Variants in FAAH2 observed in about 807,000 individuals in gnomAD.
FAAH2 encodes fatty-acid amide hydrolase 2.
Under a neutral mutation model 36.9 loss-of-function variants are expected in FAAH2, and 60 were observed. The ratio of observed to expected loss-of-function variants is 1.63; its 90% CI spans 1.32 to 2.02. The LOEUF is 2.02. Ranked by LOEUF, FAAH2 falls within the 30% of genes most tolerant of loss-of-function variation. FAAH2 has a pLI of 0.00. For synonymous variants in FAAH2, 214 were observed against 143.8 expected (o/e 1.49, Z -3.49); for missense variants, 689 against 397.5 (o/e 1.73, Z -6.23).
intron 7 of FAAH2, chrX:57,395,126 C>T (rs1602521395): frequency 2.0e-5 from 11 of 537,097 alleles, no homozygotes; most frequent in South Asian, 1.8e-4. Flanking sequence ...ACTACGAACC[C>T]GTGTACAGTA....
the FAAH2 span, among the ~76,000 whole-genome samples, chrX:57,217,087 G>A: frequency 9.0e-6 from 1 of 110,862 alleles, no homozygotes; most frequent in East Asian, 2.9e-4. Flanking sequence ...TTTAAGAATT[G>A]TCTATTCATG....
Position 57,448,588 on chromosome X carries a change from G to A in FAAH2, c.1293G>A (p.Val431=). The change falls in exon 10 of 11, where the codon GTG becomes GTA. Residue 431 remains valine, a synonymous_variant. Coordinates refer to ENST00000374900, the MANE Select transcript of FAAH2 (RefSeq NM_174912.4). ...SNEKYQKFKA[V]EESLRKELVD... is the part of the protein sequence containing the mutation. The stretch of plus-strand genomic sequence containing the variant: ...AGAAATACCAAAAGTTTAAGGCAGT[G>A]GAAGAAAGCCTGCGTAAAGAGCTGG... The A allele has an allele frequency of 2.5e-6, 3 of 1,211,468 alleles. No individual in the cohort carries two copies. Among genetic ancestry groups the A allele is most frequent in the Non-Finnish European group, 3.4e-6 (3 of 895,377 alleles).
Position 57,301,685 on chromosome X carries a change from A to G in FAAH2, c.276-8908A>G, listed in dbSNP as rs1226665092. ...ATAAAATCTAATAAAAAAATGTGGC[A>G]TATAGAATACTTGTTTCAGGGCTGA... On this transcript the variant is annotated intron_variant, in intron 2 of 10. Coordinates refer to ENST00000374900, the MANE Select transcript of FAAH2 (RefSeq NM_174912.4). 2.7e-5 allele frequency among the ~76,000 whole-genome samples: 3 copies of G among 110,623 alleles called. No individual in the cohort carries two copies. The Admixed American group carries it at 2.9e-4, about 11-fold the overall frequency.
At chrX:57,395,946 A>G (rs925133349) in intron 7 of FAAH2, among the ~76,000 whole-genome samples, 1 of 111,846 alleles carries the variant, frequency 8.9e-6, no homozygotes, top group Non-Finnish European at 1.9e-5. Flanking sequence ...ATGTCTGGTA[A>G]AATCCAGCTG....
At chrX:57,140,417 CAAAAAAAAA>C in the FAAH2 span, among the ~76,000 whole-genome samples, 89 of 64,796 alleles carry the variant, frequency 1.4e-3, no homozygotes, top group Middle Eastern at 8.3e-3. Flanking sequence ...CCATCTCTAC[CAAAAAAAAA>C]AAAAAAAAAA....
the FAAH2 span, among the ~76,000 whole-genome samples, chrX:57,193,846 C>A: frequency 8.9e-6 from 1 of 111,752 alleles, no homozygotes; most frequent in Non-Finnish European, 1.9e-5. Flanking sequence ...TATGCTGAAC[C>A]GTTCTTGCAT....
chrX:57,461,439 T>A (rs889931580), intron 10 of FAAH2, among the ~76,000 whole-genome samples: 7 of 111,616 alleles, frequency 6.3e-5, no homozygotes, highest in African/African-American at 2.3e-4. Context: ...AGATTGGAAA[T>A]CATAACAAAG....
At chrX:57,302,615 G>A (rs2052406466) in intron 2 of FAAH2, among the ~76,000 whole-genome samples, 1 of 111,436 alleles carries the variant, frequency 9.0e-6, no homozygotes, top group South Asian at 3.8e-4. Context: ...TCTGGAGAAA[G>A]TGATATAATG....
At chrX:57,334,070 G>C (rs2053478566) in intron 4 of FAAH2, among the ~76,000 whole-genome samples, 5 of 110,784 alleles carry the variant, frequency 4.5e-5, no homozygotes. Flanking sequence ...AGGAGCTTGA[G>C]ACCAGACTGG....
At chrX:57,311,092 T>C (rs1234370149) in intron 3 of FAAH2, among the ~76,000 whole-genome samples, 2 of 112,374 alleles carry the variant, frequency 1.8e-5, no homozygotes, top group Non-Finnish European at 3.8e-5. Flanking sequence ...TTCTCTGTAA[T>C]ACAGTTCTTA....
At chrX:57,269,365 C>A in the FAAH2 span, among the ~76,000 whole-genome samples, 23 of 111,131 alleles carry the variant, frequency 2.1e-4, no homozygotes, top group Admixed American at 1.9e-3. Context: ...CAGCACTGGA[C>A]AATATGGGCC....
chrX:57,150,517 G>A, the FAAH2 span, among the ~76,000 whole-genome samples: 1 of 111,887 alleles, frequency 8.9e-6, no homozygotes, highest in Non-Finnish European at 1.9e-5. Context: ...TTATGTAATG[G>A]TCTTCTTTGT....
chrX:57,455,622 AAAC>A (rs1018558079), intron 10 of FAAH2, among the ~76,000 whole-genome samples: 13 of 112,233 alleles, frequency 1.2e-4, no homozygotes, highest in Non-Finnish European at 7.5e-5. Context: ...AGCAAATAGA[AAAC>A]AACAACAACA....
the FAAH2 span, among the ~76,000 whole-genome samples, chrX:57,215,105 A>T: frequency 1.2e-5 from 1 of 83,918 alleles, no homozygotes; most frequent in Admixed American, 1.3e-4. Context: ...ACTTAAACAA[A>T]CTTACAAAAA....
chrX:57,374,898 G>C (rs1602446616), intron 5 of FAAH2, among the ~76,000 whole-genome samples: 2 of 111,465 alleles, frequency 1.8e-5, no homozygotes, highest in Middle Eastern at 4.7e-3. Flanking sequence ...TGCCGATTTT[G>C]CTGAGGGTTT....
intron 7 of FAAH2, among the ~76,000 whole-genome samples, chrX:57,421,582 T>C (rs1322416840): frequency 9.0e-6 from 1 of 111,584 alleles, no homozygotes; most frequent in Non-Finnish European, 1.9e-5. Flanking sequence ...TACCTCTATC[T>C]TCTTCTTATA....
At position 57,432,004 on chromosome X, in the gene FAAH2, C is replaced by G. The variant is rs868368626; in HGVS notation, c.1083C>G (p.Ile361Met). The change falls in exon 8 of 11, where the codon ATC becomes ATG. Residue 361 changes from isoleucine to methionine, a missense_variant. Coordinates refer to ENST00000374900, the MANE Select transcript of FAAH2 (RefSeq NM_174912.4). ...KKMKYSFQLW[I>M]AMMSAKGHDG... ...TGAAGTACTCTTTTCAGTTGTGGAT[C>G]GCAATGATGTCAGCAAAGGGACATG... The G allele has an allele frequency of 2.5e-6, 3 of 1,205,128 alleles. No homozygotes were observed. The South Asian group carries it at 5.3e-5, about 21-fold the overall frequency.
intron 10 of FAAH2, among the ~76,000 whole-genome samples, chrX:57,474,751 A>G (rs966796267): frequency 8.9e-6 from 1 of 111,958 alleles, no homozygotes; most frequent in Non-Finnish European, 1.9e-5. Context: ...GTCAAATGGT[A>G]TTTCTGGTTC....
chrX:57,285,883 G>C (rs191225039), upstream of FAAH2, among the ~76,000 whole-genome samples: 3 of 112,040 alleles, frequency 2.7e-5, no homozygotes, highest in African/African-American at 9.7e-5. Context: ...TAAAGGCAGA[G>C]TGATCAGCTA....
Sources: gnomAD v4.1 joint callset for allele counts (sites outside exome capture counted in the v4.1 genomes callset) on GRCh38, gnomAD v4.1.1 for gene constraint, MANE v1.5 for transcripts, NCBI Gene and HGNC (gene_info 2026-07-23, HGNC 2026-07-21) for gene names.